The following C9orf85 variants were observed in gnomAD, a reference collection of about 807,000 sequenced individuals.
C9orf85 encodes chromosome 9 open reading frame 85, also known as uncharacterized protein C9orf85.
Under a neutral mutation model 14.9 loss-of-function variants are expected in C9orf85, and 16 were observed. The ratio of observed to expected loss-of-function variants is 1.08; its 90% confidence interval spans 0.73 to 1.63. The LOEUF (loss-of-function observed/expected upper bound fraction) is 1.63, where lower values mean the gene tolerates loss of function less well. Ranked by LOEUF, C9orf85 falls within the 40% of genes most tolerant of loss-of-function variation. The pLI is 0.00. For missense variants in C9orf85, 172 were observed against 186.1 expected (o/e 0.92, Z 0.44); for synonymous variants, 45 against 56.8 (o/e 0.79, Z 0.93).
chr9:71,965,674 TCTC>T (rs1238503861), intron 2 of C9orf85, among the ~76,000 whole-genome samples: 6 of 152,066 alleles, frequency 3.9e-5, no homozygotes, highest in East Asian at 3.9e-4. Context: ...CTCAGGCAAT[TCTC>T]CTGCCTGGGC....
At chr9:71,972,671 A>T (rs1335810672) in intron 3 of C9orf85, 21 bp from the exon 4 acceptor site, 5 of 1,516,166 alleles carry the variant, frequency 3.3e-6, no homozygotes, top group Admixed American at 4.0e-5. Context: ...AATAAATAGA[A>T]ATTTTTTCTT....
At chr9:71,912,683 G>A (rs1340355135) in intron 1 of C9orf85, among the ~76,000 whole-genome samples, 1 of 152,068 alleles carries the variant, frequency 6.6e-6, no homozygotes, top group Non-Finnish European at 1.5e-5. Context: ...TCAGAAGTTC[G>A]AGAACGACCT....
At chr9:71,954,672 G>T (rs1822339863) in intron 2 of C9orf85, among the ~76,000 whole-genome samples, 1 of 152,118 alleles carries the variant, frequency 6.6e-6, no homozygotes, top group Admixed American at 6.6e-5. Context: ...ACATTCTAGT[G>T]GCCATCTTGG....
intron 1 of C9orf85, among the ~76,000 whole-genome samples, chr9:71,921,925 TTTTTTA>T (rs1366207574): frequency 1.1e-4 from 1 of 8,882 alleles, no homozygotes; most frequent in African/African-American, 2.1e-4. Flanking sequence ...TTTTTATTTT[TTTTTTA>T]TTATTATTAT....
At chr9:71,933,599 G>A (rs1160489841) in intron 1 of C9orf85, among the ~76,000 whole-genome samples, 6 of 152,138 alleles carry the variant, frequency 3.9e-5, no homozygotes, top group African/African-American at 1.4e-4. Flanking sequence ...GGGCTTTGGG[G>A]CCATGTTACG....
intron 2 of C9orf85, among the ~76,000 whole-genome samples, chr9:71,955,935 C>T (rs1822369642): frequency 6.6e-6 from 1 of 151,950 alleles, no homozygotes; most frequent in Admixed American, 6.6e-5. Context: ...TTTTATAGTC[C>T]GTATGTTTTA....
chr9:71,940,260 C>T (rs1828295786), intron 1 of C9orf85, among the ~76,000 whole-genome samples: 1 of 151,768 alleles, frequency 6.6e-6, no homozygotes, highest in African/African-American at 2.4e-5. Flanking sequence ...TTTGAATAGA[C>T]ACTTAACCAA....
Position 71,970,838 on chromosome 9 carries a change from T to TA in C9orf85, c.210-667_210-666insA, listed in dbSNP as rs201302781. Among the ~76,000 whole-genome samples, 954 of 151,422 alleles carry TA rather than the reference T, an allele frequency of 6.3e-3. 11 individuals carry two copies. Among genetic ancestry groups the TA allele is most frequent in the African/African-American group, 0.022 (896 of 41,264 alleles). ...ATTCTCAATATTAAGTCTTTTTTTT[T>TA]TTTTTCCTGAGATGGAGTCCCACTC... is the stretch of plus-strand genomic sequence containing the variant. On this transcript the variant is annotated intron_variant, in intron 2 of 3. Coordinates refer to ENST00000334731, the MANE Select transcript of C9orf85 (RefSeq NM_182505.5).
intron 2 of C9orf85, among the ~76,000 whole-genome samples, chr9:71,952,605 C>T (rs772662938): frequency 5.3e-5 from 8 of 152,078 alleles, no homozygotes; most frequent in East Asian, 1.9e-4. Context: ...CCTCGTGATC[C>T]GCCCACCTCA....
At chr9:71,920,669 C>A (rs575353022) in intron 1 of C9orf85, among the ~76,000 whole-genome samples, 2 of 152,248 alleles carry the variant, frequency 1.3e-5, no homozygotes, top group South Asian at 4.1e-4. Flanking sequence ...TCAGAACACC[C>A]CAGCTGCCAG....
At chr9:71,952,722 A>G (rs1822281468) in intron 2 of C9orf85, among the ~76,000 whole-genome samples, 1 of 152,182 alleles carries the variant, frequency 6.6e-6, no homozygotes, top group Non-Finnish European at 1.5e-5. Context: ...TTTTGCTTTC[A>G]GGCCCTGAAA....
Position 71,911,850 on chromosome 9 carries a change from TG to T in C9orf85, c.102+15del. The T allele has an allele frequency of 6.2e-7, 1 of 1,608,852 alleles. No homozygotes were observed. The highest frequency in any genetic ancestry group is 8.5e-7 in the Non-Finnish European group (1 of 1,175,252). On this transcript the variant is annotated intron_variant, in intron 1 of 3. Coordinates refer to ENST00000334731, the MANE Select transcript of C9orf85 (RefSeq NM_182505.5). ...GTGCAGACCAAGGTAGGAACCTGCC[TG>T]TTGCACCGTCTTTGACTCCAGGAAG...
Position 71,972,674 on chromosome 9 carries a change from T to G in C9orf85, c.324-18T>G. The G allele has an allele frequency of 6.6e-7, 1 of 1,524,074 alleles. No individual in the cohort carries two copies. Among genetic ancestry groups the G allele is most frequent in the Non-Finnish European group, 8.9e-7 (1 of 1,121,096 alleles). 94.4% of individuals were successfully genotyped at this position (1,524,074 alleles called of 1,614,324 possible). On this transcript the variant is annotated intron_variant, in intron 3 of 3. Coordinates refer to ENST00000334731, the MANE Select transcript of C9orf85 (RefSeq NM_182505.5). ...GATAGCCTGGGAAATAAATAGAAAT[T>G]TTTTCTTTCATCTTTAGGTTGAATA...
At chr9:71,961,524 G>T (rs1469913906) in intron 2 of C9orf85, among the ~76,000 whole-genome samples, 1 of 152,100 alleles carries the variant, frequency 6.6e-6, no homozygotes, top group Non-Finnish European at 1.5e-5. Context: ...TCGCGCCACT[G>T]CACTCCAGCC....
chr9:71,911,815 C>G lies in C9orf85; in HGVS notation c.81C>G (p.Phe27Leu), dbSNP rs1448792992. The change falls in exon 1 of 4, where the codon TTC becomes TTG. Residue 27 changes from phenylalanine to leucine, a missense_variant. Phe to Leu is a conservative substitution (Grantham distance 22). Coordinates refer to ENST00000334731, the MANE Select transcript of C9orf85 (RefSeq NM_182505.5). ...CGTTTAGCTTCAAAAATGACAAGTT[C>G]GATAAAAGTGTGCAGACCAAGGTAG... Reference protein sequence around the residue: ...QNTFSFKNDKFDKSVQTKKIN... With the variant: ...QNTFSFKNDKLDKSVQTKKIN... 1.2e-6 allele frequency: 2 copies of G among 1,614,032 alleles called. No homozygotes were observed. The highest frequency in any genetic ancestry group is 1.1e-5 in the South Asian group (1 of 91,070).
intron 2 of C9orf85, among the ~76,000 whole-genome samples, chr9:71,958,551 C>G (rs1042799212): frequency 6.6e-6 from 1 of 151,972 alleles, no homozygotes; most frequent in Admixed American, 6.6e-5. Flanking sequence ...CGTGAGCTAC[C>G]GCGCCCGGCC....
intron 1 of C9orf85, among the ~76,000 whole-genome samples, chr9:71,923,196 G>T (rs1039441844): frequency 1.3e-5 from 2 of 152,132 alleles, no homozygotes; most frequent in Non-Finnish European, 2.9e-5. Context: ...ATCCCCATTG[G>T]GTAGTCCTGT....
chr9:71,919,840 GT>G (rs1294709851), intron 1 of C9orf85, among the ~76,000 whole-genome samples: 2 of 149,958 alleles, frequency 1.3e-5, no homozygotes, highest in East Asian at 3.9e-4. Context: ...AATAAAGCAT[GT>G]TTCTTTTTTC....
chr9:71,951,159 T>C (rs1003054484), intron 2 of C9orf85, among the ~76,000 whole-genome samples: 1 of 152,230 alleles, frequency 6.6e-6, no homozygotes, highest in Non-Finnish European at 1.5e-5. Flanking sequence ...ATGTTCTTTA[T>C]GGAATTTTCT....
Sources: allele counts gnomAD v4.1 joint callset (sites outside exome capture counted in the v4.1 genomes callset), GRCh38; gene constraint gnomAD v4.1.1; transcripts MANE v1.5; gene names NCBI Gene and HGNC (gene_info 2026-07-23, HGNC 2026-07-21).